CLEC16A: variants seen among roughly 807,000 people sequenced by gnomAD.
CLEC16A encodes the protein protein CLEC16A.
CLEC16A carries 51 observed loss-of-function variants against 109.5 expected under a neutral mutation model. That is an observed-to-expected ratio of 0.47 (90% CI 0.37 to 0.59). The LOEUF (loss-of-function observed/expected upper bound fraction) is 0.59. Ranked by LOEUF, CLEC16A falls within the 20% of genes least tolerant of loss-of-function variation. CLEC16A has a pLI of 0.00. For missense variants in CLEC16A, 1,339 were observed against 1,394.0 expected, an observed-to-expected ratio of 0.96 and a Z score of 0.63; for synonymous variants, 673 against 564.2, an observed-to-expected ratio of 1.19 and a Z score of -2.73.
At chr16:10,968,598 C>G (rs1481225130) in intron 3 of CLEC16A, among the ~76,000 whole-genome samples, 1 of 152,170 alleles carries the variant, frequency 6.6e-6, no homozygotes, top group Admixed American at 6.5e-5. Flanking sequence ...TGTTTTTGCT[C>G]ATCTGCAAAA....
intron 10 of CLEC16A, among the ~76,000 whole-genome samples, chr16:10,991,734 G>A (rs2044028136): frequency 6.6e-6 from 1 of 152,192 alleles, no homozygotes; most frequent in African/African-American, 2.4e-5. Flanking sequence ...TCTCTAATGA[G>A]CGGTGGACAT....
rs200807225 is a variant in CLEC16A at position 11,179,653 on chromosome 16, G to C, written c.*963G>C. 1.3e-5 allele frequency: 2 copies of C among 152,226 alleles called. No homozygotes were observed. The highest frequency in any genetic ancestry group is 2.9e-5 in the Non-Finnish European group (2 of 68,068). The allele number at this position is 152,226 out of a possible 1,614,324, so 9.4% of individuals were successfully genotyped here. On this transcript the variant is annotated 3_prime_UTR_variant, in exon 24 of 24. Transcript: ENST00000409790. Reference sequence around the variant, plus strand: ...AGAAGGAACCAGTTGGGACCGTGAAGACTCCCGACCCTGTGGCCATGATGG... The same window carrying C: ...AGAAGGAACCAGTTGGGACCGTGAACACTCCCGACCCTGTGGCCATGATGG...
At chr16:11,041,339 TGACAGAAACCC>T (rs1391937401) in intron 14 of CLEC16A, 1 of 152,226 alleles carries the variant, frequency 6.6e-6, no homozygotes, top group Non-Finnish European at 1.5e-5. Context: ...CTCTTGGTCT[TGACAGAAACCC>T]GACTCACTCT....
At chr16:11,107,861 G>C (rs936960396) in intron 19 of CLEC16A, among the ~76,000 whole-genome samples, 2 of 152,218 alleles carry the variant, frequency 1.3e-5, no homozygotes, top group Non-Finnish European at 2.9e-5. Context: ...TGGGAGAGAT[G>C]CATTGCACTG....
intron 12 of CLEC16A, among the ~76,000 whole-genome samples, chr16:11,022,905 ATAT>A (rs1567208080): frequency 0.039 from 1,759 of 44,788 alleles, 47 homozygotes; most frequent in African/African-American, 0.21. Context: ...TCTCAAAAAT[ATAT>A]ATATATATAT....
intron 19 of CLEC16A, among the ~76,000 whole-genome samples, chr16:11,081,289 A>C (rs1318368049): frequency 6.6e-6 from 1 of 152,102 alleles, no homozygotes; most frequent in African/African-American, 2.4e-5. Context: ...TTGTTGGTAC[A>C]AGTTAAAATT....
intron 22 of CLEC16A, among the ~76,000 whole-genome samples, chr16:11,165,931 G>A (rs913938260): frequency 1.3e-5 from 2 of 152,194 alleles, no homozygotes; most frequent in African/African-American, 4.8e-5. Flanking sequence ...CTCCTGCCCG[G>A]GTGTGACTTC....
chr16:10,957,085 C>T (rs1027732191), intron 1 of CLEC16A, among the ~76,000 whole-genome samples: 1 of 152,224 alleles, frequency 6.6e-6, no homozygotes, highest in African/African-American at 2.4e-5. Flanking sequence ...GCATGAGCCA[C>T]CGCTCCCAGC....
At chr16:11,101,510 C>G (rs544435403) in intron 19 of CLEC16A, among the ~76,000 whole-genome samples, 7 of 152,174 alleles carry the variant, frequency 4.6e-5, no homozygotes, top group Non-Finnish European at 8.8e-5. Flanking sequence ...CTGTTTTCTC[C>G]CTACTGGGCT....
chr16:11,053,979 C>A (rs1268473222), intron 18 of CLEC16A, among the ~76,000 whole-genome samples: 2 of 152,232 alleles, frequency 1.3e-5, no homozygotes, highest in Admixed American at 6.5e-5. Context: ...GGTCACTAAT[C>A]CCACCTGGAG....
intron 7 of CLEC16A, 116 bp downstream of exon 7, chr16:10,973,177 G>C (rs1457854877): frequency 3.4e-6 from 4 of 1,185,536 alleles, no homozygotes; most frequent in Non-Finnish European, 1.2e-6. Context: ...TGTGTAGGCA[G>C]AGCATGGACT....
intron 22 of CLEC16A, among the ~76,000 whole-genome samples, chr16:11,147,679 T>A (rs768822435): frequency 6.6e-6 from 1 of 152,242 alleles, no homozygotes; most frequent in African/African-American, 2.4e-5. Flanking sequence ...TTGTACAGTA[T>A]GTGAATTCTA....
At chr16:10,964,068 G>A (rs1479050684) in intron 3 of CLEC16A, among the ~76,000 whole-genome samples, 1 of 152,264 alleles carries the variant, frequency 6.6e-6, no homozygotes, top group Non-Finnish European at 1.5e-5. Flanking sequence ...ATCAGAGGCA[G>A]GCTCTAAGTC....
chr16:11,132,572 A>G (rs180780907), intron 22 of CLEC16A, among the ~76,000 whole-genome samples: 2 of 152,188 alleles, frequency 1.3e-5, no homozygotes, highest in South Asian at 2.1e-4. Flanking sequence ...TATTTCTGGT[A>G]TATACCTAGG....
chr16:11,073,114 A>T (rs551418914), intron 19 of CLEC16A, among the ~76,000 whole-genome samples: 5 of 152,208 alleles, frequency 3.3e-5, no homozygotes, highest in Admixed American at 3.3e-4. Flanking sequence ...TAATGTTAAC[A>T]TGAAACCCAA....
At chr16:10,977,187 G>A (rs778029299) in intron 7 of CLEC16A, 38 bp from the exon 8 acceptor site, 7 of 1,597,522 alleles carry the variant, frequency 4.4e-6, no homozygotes, top group Non-Finnish European at 6.0e-6. Flanking sequence ...GGCTCCTAGT[G>A]TTGGCCTCCA....
At chr16:11,042,411 A>G in intron 15 of CLEC16A, 48 bp downstream of exon 15, 1 of 1,398,524 alleles carries the variant, frequency 7.2e-7, no homozygotes, top group Non-Finnish European at 9.8e-7. Flanking sequence ...GGAGAGGGAC[A>G]GGAGGACAGG....
At chr16:11,077,819 A>G (rs1438004307) in intron 19 of CLEC16A, among the ~76,000 whole-genome samples, 1 of 152,094 alleles carries the variant, frequency 6.6e-6, no homozygotes, top group Non-Finnish European at 1.5e-5. Flanking sequence ...CTAAACTTTT[A>G]AGAAATGTAC....
At chr16:11,006,756 ACCT>A (rs1201252744) in intron 11 of CLEC16A, among the ~76,000 whole-genome samples, 2 of 151,928 alleles carry the variant, frequency 1.3e-5, no homozygotes, top group Admixed American at 6.6e-5. Flanking sequence ...CAGAATTCAC[ACCT>A]CCTCCAGATT....
Sources: gnomAD v4.1 joint callset for allele counts (sites outside exome capture counted in the v4.1 genomes callset) on GRCh38, gnomAD v4.1.1 for gene constraint, MANE v1.5 for transcripts, NCBI Gene and HGNC (gene_info 2026-07-23, HGNC 2026-07-21) for gene names.